Variants in AGTPBP1 observed in about 807,000 individuals in gnomAD.
The protein encoded by AGTPBP1 is ATP/GTP binding carboxypeptidase 1.
Under a neutral mutation model 143.9 loss-of-function variants are expected in AGTPBP1, and 70 were observed. The observed-to-expected ratio is 0.49, with a 90% CI of 0.40 to 0.59. The LOEUF is 0.59. AGTPBP1 is among the 20% of genes least tolerant of loss of function. AGTPBP1 has a pLI of 0.00. For synonymous variants in AGTPBP1, 463 were observed against 500.2 expected (o/e 0.93, Z 0.99); for missense variants, 1,229 against 1,464.5 (o/e 0.84, Z 2.62).
chr9:85,792,914 T>G, the AGTPBP1 span, among the ~76,000 whole-genome samples: 1 of 152,222 alleles, frequency 6.6e-6, no homozygotes, highest in Non-Finnish European at 1.5e-5. Context: ...TTATTTTATA[T>G]AAACAAATCA....
At chr9:85,708,464 C>T (rs1837157722) in intron 2 of AGTPBP1, among the ~76,000 whole-genome samples, 1 of 152,204 alleles carries the variant, frequency 6.6e-6, no homozygotes, top group South Asian at 2.1e-4. Flanking sequence ...TACCAAAACT[C>T]ACTCAATAAG....
At chr9:85,716,449 A>G (rs955201827) in intron 1 of AGTPBP1, among the ~76,000 whole-genome samples, 5 of 152,146 alleles carry the variant, frequency 3.3e-5, no homozygotes, top group Non-Finnish European at 7.3e-5. Flanking sequence ...AACTCGACAT[A>G]TGCAAAACGG....
chr9:85,760,252 C>T, the AGTPBP1 span, among the ~76,000 whole-genome samples: 1 of 152,040 alleles, frequency 6.6e-6, no homozygotes, highest in Non-Finnish European at 1.5e-5. Flanking sequence ...AGAGGGAATC[C>T]TCCCTAACTC....
intron 2 of AGTPBP1, among the ~76,000 whole-genome samples, chr9:85,694,341 C>G (rs182777951): frequency 1.3e-5 from 2 of 152,212 alleles, no homozygotes; most frequent in East Asian, 3.9e-4. Context: ...TGTAGGCACA[C>G]AAGTATGATC....
intron 17 of AGTPBP1, among the ~76,000 whole-genome samples, chr9:85,601,542 C>A (rs891256638): frequency 6.6e-6 from 1 of 152,166 alleles, no homozygotes; most frequent in African/African-American, 2.4e-5. Flanking sequence ...ATCTGTGGGT[C>A]TGGGGACTGG....
chr9:85,715,763 G>T (rs1837664821), intron 1 of AGTPBP1, among the ~76,000 whole-genome samples: 2 of 152,176 alleles, frequency 1.3e-5, no homozygotes, highest in South Asian at 4.1e-4. Flanking sequence ...ACAATATGGT[G>T]TAACAGAAAG....
the AGTPBP1 span, among the ~76,000 whole-genome samples, chr9:85,752,171 G>A: frequency 6.6e-6 from 1 of 152,096 alleles, no homozygotes; most frequent in African/African-American, 2.4e-5. Flanking sequence ...CCGGGAGGCG[G>A]AGGTTGCAGT....
rs368474275 is a variant in AGTPBP1, at chr9:85,625,904, GTTTTTTTTTTT to G, written c.2016-4630_2016-4620del. On this transcript the variant is annotated intron_variant, in intron 14 of 25. Transcript: ENST00000357081. ...TGTCTCAAAAAAAAAACCTAGTTTT[GTTTTTTTTTTT>G]TTTTTTTTTAGGATATATGAAAAAA... 2.8e-5 allele frequency among the ~76,000 whole-genome samples: 3 copies of G among 105,720 alleles called. No homozygotes were observed. In the East Asian group the frequency reaches 9.5e-4, roughly 34 times the overall value. 69.4% of individuals were successfully genotyped at this position (105,720 alleles called of 152,430 possible).
upstream of AGTPBP1, among the ~76,000 whole-genome samples, chr9:85,743,688 G>A (rs529495074): frequency 2.6e-5 from 4 of 152,222 alleles, no homozygotes; most frequent in South Asian, 6.2e-4. Flanking sequence ...GGCAGATCGC[G>A]TGCTCTGTCA....
the AGTPBP1 span, among the ~76,000 whole-genome samples, chr9:85,777,371 C>G: frequency 6.6e-6 from 1 of 152,178 alleles, no homozygotes; most frequent in Non-Finnish European, 1.5e-5. Flanking sequence ...CGCCGATCAC[C>G]CTGAGGAATG....
At chr9:85,709,807 G>C (rs1033015386) in intron 2 of AGTPBP1, among the ~76,000 whole-genome samples, 1 of 152,126 alleles carries the variant, frequency 6.6e-6, no homozygotes, top group East Asian at 1.9e-4. Flanking sequence ...TTTAGGGCAT[G>C]ACCATAATGG....
At chr9:85,624,244 G>A (rs559216742) in intron 14 of AGTPBP1, among the ~76,000 whole-genome samples, 1 of 152,218 alleles carries the variant, frequency 6.6e-6, no homozygotes, top group Admixed American at 6.5e-5. Flanking sequence ...TCTTTACAGA[G>A]AGTATAACAT....
chr9:85,692,570 G>A (rs539845381), intron 3 of AGTPBP1, 119 bp downstream of exon 3: 54 of 1,282,426 alleles, frequency 4.2e-5, no homozygotes, highest in African/African-American at 1.5e-4. Context: ...CACCACACCC[G>A]GCCTGAAAGT....
chr9:85,688,419 T>C (rs1186440029), intron 3 of AGTPBP1, among the ~76,000 whole-genome samples: 1 of 152,048 alleles, frequency 6.6e-6, no homozygotes, highest in Non-Finnish European at 1.5e-5. Context: ...AAAAAAAATT[T>C]ACAACTAAAA....
intron 2 of AGTPBP1, 126 bp downstream of exon 2, chr9:85,712,376 T>A: frequency 2.2e-6 from 1 of 462,582 alleles, no homozygotes; most frequent in Non-Finnish European, 3.6e-6. Context: ...TAAACATTTT[T>A]AATTACATAA....
chr9:85,560,736 A>G (rs1332988938), intron 25 of AGTPBP1, among the ~76,000 whole-genome samples: 1 of 152,216 alleles, frequency 6.6e-6, no homozygotes, highest in Non-Finnish European at 1.5e-5. Context: ...AGTGAAAGAA[A>G]GAATAGGTGA....
intron 4 of AGTPBP1, 47 bp from the exon 5 acceptor site, chr9:85,678,445 C>T: frequency 7.5e-7 from 1 of 1,338,760 alleles, no homozygotes; most frequent in East Asian, 2.6e-5. Context: ...ACTTTTGATT[C>T]CCAGACTTTT....
In AGTPBP1 at chr9:85,561,860, T is replaced by C. The variant is rs545030789; in HGVS notation, c.3503+13455A>G. Among the ~76,000 whole-genome samples the C allele has an allele frequency of 3.8e-3, 528 of 138,810 alleles. 5 individuals carry two copies. The highest frequency in any genetic ancestry group is 0.013 in the African/African-American group (491 of 36,700). 91.1% of individuals were successfully genotyped at this position (138,810 alleles called of 152,430 possible). The stretch of plus-strand genomic sequence containing the variant: ...TTTTTTTTTTTTTTTTGAGAAGGAG[T>C]CTTACTCTGTCACCCAAGCTGGAGT... On this transcript the variant is annotated intron_variant, in intron 25 of 25. Transcript: ENST00000357081.
the AGTPBP1 span, among the ~76,000 whole-genome samples, chr9:85,788,613 C>T: frequency 6.7e-6 from 1 of 149,216 alleles, no homozygotes; most frequent in East Asian, 1.9e-4. Flanking sequence ...AAGGCACTGA[C>T]CTTTTACCAT....
Sources: gnomAD v4.1 joint callset for allele counts (sites outside exome capture counted in the v4.1 genomes callset) on GRCh38, gnomAD v4.1.1 for gene constraint, MANE v1.5 for transcripts, NCBI Gene and HGNC (gene_info 2026-07-23, HGNC 2026-07-21) for gene names.